Variants in PRKG1 observed in about 807,000 individuals in gnomAD.
PRKG1 encodes cGMP-dependent protein kinase 1.
In PRKG1, 35 loss-of-function variants were observed where a neutral mutation model predicts 88.1. The observed-to-expected ratio is 0.40, with a 90% CI of 0.30 to 0.53. The LOEUF (loss-of-function observed/expected upper bound fraction) is 0.53. Ranked by LOEUF, PRKG1 falls within the 20% of genes least tolerant of loss-of-function variation. PRKG1 has a pLI of 0.59. For missense variants in PRKG1, 540 were observed against 839.8 expected (o/e 0.64, Z 4.41); for synonymous variants, 303 against 292.5 (o/e 1.04, Z -0.37).
At chr10:51,783,120 A>G (rs998463417) in intron 3 of PRKG1, among the ~76,000 whole-genome samples, 4 of 152,098 alleles carry the variant, frequency 2.6e-5, no homozygotes, top group Non-Finnish European at 4.4e-5. Flanking sequence ...ACCCCAATTA[A>G]TTAAATTGCC....
intron 2 of PRKG1, among the ~76,000 whole-genome samples, chr10:51,197,254 G>A (rs1419072567): frequency 6.6e-6 from 1 of 151,990 alleles, no homozygotes; most frequent in Non-Finnish European, 1.5e-5. Context: ...TTGAGATATC[G>A]TGTTTATATT....
At chr10:52,097,692 C>G (rs2132559696) in intron 7 of PRKG1, among the ~76,000 whole-genome samples, 1 of 151,926 alleles carries the variant, frequency 6.6e-6, no homozygotes, top group African/African-American at 2.4e-5. Flanking sequence ...TTGATGTCTT[C>G]ACAAGATTAG....
intron 7 of PRKG1, among the ~76,000 whole-genome samples, chr10:52,081,091 C>A (rs1180178648): frequency 6.6e-6 from 1 of 152,214 alleles, no homozygotes; most frequent in Admixed American, 6.5e-5. Context: ...CTTGCAAACA[C>A]ATTTCAGAGT....
chr10:51,017,039 C>A (rs2132730208), intron 1 of PRKG1, among the ~76,000 whole-genome samples: 1 of 151,872 alleles, frequency 6.6e-6, no homozygotes, highest in East Asian at 1.9e-4. Context: ...GGTGCTATAG[C>A]ATCTTGAGTT....
intron 2 of PRKG1, among the ~76,000 whole-genome samples, chr10:51,462,801 C>G (rs1180430507): frequency 6.6e-6 from 1 of 152,152 alleles, no homozygotes; most frequent in African/African-American, 2.4e-5. Context: ...ATACAAACAA[C>G]TTTAGCAATT....
intron 3 of PRKG1, among the ~76,000 whole-genome samples, chr10:51,509,789 A>G (rs150390299): frequency 1.9e-4 from 29 of 152,340 alleles, no homozygotes; most frequent in African/African-American, 6.7e-4. Context: ...AACCAAAGGC[A>G]AAACAGGTGC....
At chr10:51,340,006 A>G (rs183592724) in intron 2 of PRKG1, among the ~76,000 whole-genome samples, 3 of 152,258 alleles carry the variant, frequency 2.0e-5, no homozygotes, top group Admixed American at 2.0e-4. Context: ...CATCAGTAGT[A>G]TGATGAACTG....
chr10:51,138,682 T>TTG (rs1173517114), intron 1 of PRKG1, among the ~76,000 whole-genome samples: 2 of 127,058 alleles, frequency 1.6e-5, no homozygotes, highest in South Asian at 3.1e-4. Flanking sequence ...TTTGTTTTTT[T>TTG]TTTTTTTTTT....
intron 5 of PRKG1, among the ~76,000 whole-genome samples, chr10:51,933,919 G>T (rs769800743): frequency 6.6e-6 from 1 of 151,990 alleles, no homozygotes; most frequent in Non-Finnish European, 1.5e-5. Context: ...ATAACACTTA[G>T]TTGTAGTATC....
chr10:51,036,694 G>A (rs796152776), intron 1 of PRKG1, among the ~76,000 whole-genome samples: 2 of 152,200 alleles, frequency 1.3e-5, no homozygotes, highest in East Asian at 3.9e-4. Context: ...GTAAATGGGG[G>A]CGTGTTTGCT....
intron 1 of PRKG1, among the ~76,000 whole-genome samples, chr10:51,115,896 A>T (rs1190426494): frequency 6.6e-6 from 1 of 151,862 alleles, no homozygotes. Flanking sequence ...AAGAATTGTC[A>T]TAGTGCAAAC....
intron 2 of PRKG1, among the ~76,000 whole-genome samples, chr10:51,174,143 T>C (rs1452667361): frequency 6.6e-6 from 1 of 151,940 alleles, no homozygotes; most frequent in Non-Finnish European, 1.5e-5. Context: ...TTGGTTTAGT[T>C]ATTCCAAAAT....
intron 5 of PRKG1, among the ~76,000 whole-genome samples, chr10:52,040,586 A>T (rs1184897046): frequency 6.6e-6 from 1 of 152,100 alleles, no homozygotes; most frequent in Non-Finnish European, 1.5e-5. Context: ...TCGTTATATT[A>T]TGTTAGTATA....
intron 1 of PRKG1, among the ~76,000 whole-genome samples, chr10:51,025,711 G>T (rs1330886195): frequency 6.6e-6 from 1 of 152,104 alleles, no homozygotes; most frequent in East Asian, 1.9e-4. Flanking sequence ...GGCTGAAACT[G>T]TTCCAGGCAT....
chr10:51,646,739 T>G (rs575648276), intron 3 of PRKG1, among the ~76,000 whole-genome samples: 9 of 151,938 alleles, frequency 5.9e-5, no homozygotes, highest in African/African-American at 1.9e-4. Flanking sequence ...AAAAACAGTA[T>G]AAATTTAAAA....
At chr10:51,018,723 G>A (rs185219415) in intron 1 of PRKG1, among the ~76,000 whole-genome samples, 1 of 152,074 alleles carries the variant, frequency 6.6e-6, no homozygotes, top group African/African-American at 2.4e-5. Flanking sequence ...TTCCAACCCA[G>A]TATCCCTTTG....
At chr10:51,784,169 C>A (rs560813013) in intron 3 of PRKG1, among the ~76,000 whole-genome samples, 1 of 152,192 alleles carries the variant, frequency 6.6e-6, no homozygotes, top group East Asian at 1.9e-4. Flanking sequence ...CCACAGCAAT[C>A]ATTTCCTCAG....
intron 4 of PRKG1, among the ~76,000 whole-genome samples, chr10:51,897,636 A>G (rs1296406319): frequency 6.6e-6 from 1 of 152,190 alleles, no homozygotes; most frequent in African/African-American, 2.4e-5. Flanking sequence ...CCTTTCAACC[A>G]CAAGGAGCCA....
chr10:51,178,628 A>G (rs928965961), intron 2 of PRKG1, among the ~76,000 whole-genome samples: 1 of 152,098 alleles, frequency 6.6e-6, no homozygotes, highest in Non-Finnish European at 1.5e-5. Flanking sequence ...CAGAGTGAGA[A>G]CCCTGTCTCA....
Sources: allele counts gnomAD v4.1 joint callset (sites outside exome capture counted in the v4.1 genomes callset), GRCh38; gene constraint gnomAD v4.1.1; transcripts MANE v1.5; gene names NCBI Gene and HGNC (gene_info 2026-07-23, HGNC 2026-07-21).